Variants in ZBTB41 observed in about 807,000 individuals in gnomAD.
ZBTB41 encodes zinc finger and BTB domain-containing protein 41.
A neutral mutation model predicts 87.6 loss-of-function variants in ZBTB41; 42 were observed. The ratio of observed to expected loss-of-function variants is 0.48; its 90% CI spans 0.37 to 0.62. The LOEUF is 0.62. Ranked by LOEUF, ZBTB41 falls within the 20% of genes least tolerant of loss-of-function variation. The probability of loss-of-function intolerance (pLI) is 0.00; values close to 1 mark genes in which losing one functional copy is unlikely to be tolerated. For missense variants in ZBTB41, 799 were observed against 1,078.9 expected (o/e 0.74, Z 3.63); for synonymous variants, 364 against 364.0 (o/e 1.00, Z 0.00).
Position 197,191,738 on chromosome 1 carries a change from T to C in ZBTB41, c.1282A>G (p.Asn428Asp), listed in dbSNP as rs1225598485. The part of the protein sequence containing the change: ...HKKEHKCPYC[N>D]KLHASKKTLA... ...GTCTTCTTGCTTGCATGAAGTTTAT[T>C]ACAATAAGGGCACTTGTGCTCCTTC... is the stretch of plus-strand genomic sequence containing the variant. The change falls in exon 3 of 11, where the codon AAT (asparagine) becomes GAT (aspartate). Residue 428 changes from asparagine to aspartate, a missense_variant. Coordinates refer to ENST00000367405, the MANE Select transcript of ZBTB41 (RefSeq NM_194314.3). 1.9e-6 allele frequency: 3 copies of C among 1,613,578 alleles called. No homozygotes were observed. Among genetic ancestry groups the C allele is most frequent in the African/African-American group, 2.7e-5 (2 of 74,902 alleles).
chr1:197,175,152 A>G (rs1659571922), intron 8 of ZBTB41, 37 bp from the exon 9 acceptor site: 3 of 1,548,056 alleles, frequency 1.9e-6, no homozygotes, highest in Non-Finnish European at 8.8e-7. Flanking sequence ...ATTATAATAT[A>G]CATCTCAGGT....
chr1:197,184,909 G>T (rs1409676648), intron 5 of ZBTB41, among the ~76,000 whole-genome samples: 2 of 151,990 alleles, frequency 1.3e-5, no homozygotes, highest in Non-Finnish European at 2.9e-5. Flanking sequence ...CCGCCTCTTG[G>T]GTTCAAGCTA....
chr1:197,193,769 G>A (rs1660090849), intron 2 of ZBTB41, among the ~76,000 whole-genome samples: 1 of 152,080 alleles, frequency 6.6e-6, no homozygotes, highest in South Asian at 2.1e-4. Context: ...CACTATATGG[G>A]TTTTTAAGTA....
chr1:197,176,646 A>AT lies in ZBTB41; in HGVS notation c.1796dup (p.Asp599GlufsTer2). ...ATTCATCGCACTCATATCTTTTATC[A>AT]TCATGATGTACTCGTAAGTGAAGTC... On this transcript the variant is annotated frameshift_variant, in exon 8 of 11. Transcript: ENST00000367405. LOFTEE classifies it high-confidence loss of function. 6.2e-7 allele frequency: 1 copy of AT among 1,611,504 alleles called. No individual in the cohort carries two copies. Among genetic ancestry groups the AT allele is most frequent in the Non-Finnish European group, 8.5e-7 (1 of 1,178,610 alleles).
intron 10 of ZBTB41, among the ~76,000 whole-genome samples, chr1:197,164,168 G>A (rs917432511): frequency 2.6e-5 from 4 of 151,984 alleles, no homozygotes; most frequent in Admixed American, 2.0e-4. Flanking sequence ...GGAAAGTGAC[G>A]AATAATTTCA....
chr1:197,182,321 A>C (rs1659765332), intron 5 of ZBTB41, among the ~76,000 whole-genome samples: 1 of 140,584 alleles, frequency 7.1e-6, no homozygotes, highest in African/African-American at 2.5e-5. Context: ...AGGATTCTTC[A>C]AAGAAAATAA....
In ZBTB41 at chr1:197,157,913, A is replaced by C. The variant is rs958791741; in HGVS notation, c.*1446T>G. The C allele has an allele frequency of 2.1e-4, 1 of 4,722 alleles. No homozygotes were observed. The highest frequency in any genetic ancestry group is 1.6e-3 in the Non-Finnish European group (1 of 632). 0.3% of individuals were successfully genotyped at this position (4,722 alleles called of 1,614,324 possible). A position where few individuals can be genotyped will look rare whatever the true frequency, so the allele number is the denominator to read the frequency against. On this transcript the variant is annotated 3_prime_UTR_variant, in exon 11 of 11. Coordinates refer to ENST00000367405, the MANE Select transcript of ZBTB41 (RefSeq NM_194314.3). The stretch of plus-strand genomic sequence containing the variant: ...CTAGACTTTACAGTTTACACACACA[A>C]AAAAAGTGCTTAAAGCAATTAGGAG...
At chr1:197,192,300 G>A (rs1351985545) in intron 2 of ZBTB41, among the ~76,000 whole-genome samples, 2 of 151,890 alleles carry the variant, frequency 1.3e-5, no homozygotes, top group African/African-American at 4.8e-5. Flanking sequence ...CATATTTTTG[G>A]TATCTCTGTG....
chr1:197,159,215 C>CT lies in ZBTB41; in HGVS notation c.*143_*144insA. On this transcript the variant is annotated 3_prime_UTR_variant, in exon 11 of 11. Coordinates refer to ENST00000367405, the MANE Select transcript of ZBTB41 (RefSeq NM_194314.3). The stretch of plus-strand genomic sequence containing the variant: ...AATATTCATGTTCAGTAAACAGAGA[C>CT]ACATAGTTTTCTTGATTTGAAACTG... The CT allele has an allele frequency of 1.3e-6, 1 of 746,438 alleles. No homozygotes were observed. The highest frequency in any genetic ancestry group is 2.1e-6 in the Non-Finnish European group (1 of 468,036). 46.2% of individuals were successfully genotyped at this position (746,438 alleles called of 1,614,324 possible).
At position 197,200,455 on chromosome 1, in the gene ZBTB41, C is replaced by A. The variant is rs746076257; in HGVS notation, c.19G>T (p.Val7Phe). MKKRRKVTSNLEKIHLG... is the reference protein window; with the variant it reads MKKRRKFTSNLEKIHLG... The stretch of plus-strand genomic sequence containing the variant: ...TGGATCTTCTCAAGATTTGAAGTAA[C>A]CTTTCTCCTCTTCTTCATTGCAGTA... Residue 7 changes from valine to phenylalanine, a missense_variant, in exon 2 of 11, where the codon GTT becomes TTT. Coordinates refer to ENST00000367405, the MANE Select transcript of ZBTB41 (RefSeq NM_194314.3). The A allele has an allele frequency of 1.3e-6, 2 of 1,593,810 alleles. No individual in the cohort carries two copies. Among genetic ancestry groups the A allele is most frequent in the Non-Finnish European group, 1.7e-6 (2 of 1,172,986 alleles).
intron 3 of ZBTB41, among the ~76,000 whole-genome samples, 186 bp downstream of exon 3, chr1:197,191,506 A>T (rs966290456): frequency 6.6e-6 from 1 of 151,374 alleles, no homozygotes; most frequent in Non-Finnish European, 1.5e-5. Context: ...GAGTATAAAA[A>T]CCACATATTT....
At chr1:197,182,517 T>TCCTC (rs1466900044) in intron 5 of ZBTB41, among the ~76,000 whole-genome samples, 4 of 152,002 alleles carry the variant, frequency 2.6e-5, no homozygotes, top group African/African-American at 9.7e-5. Context: ...GCTCAAGTGA[T>TCCTC]CCTCCCACCT....
At position 197,157,295 on chromosome 1, in the gene ZBTB41, A is replaced by G. The variant is rs1659088084; in HGVS notation, c.*2064T>C. ...ATCTTCTTTTTCTGCCACCAAATGT[A>G]TAATATACCATATACATACATGTAT... is the stretch of plus-strand genomic sequence containing the variant. On this transcript the variant is annotated 3_prime_UTR_variant, in exon 11 of 11. Transcript: ENST00000367405. 1 of 152,040 alleles carries G rather than the reference A, an allele frequency of 6.6e-6. No homozygotes were observed. Among genetic ancestry groups the G allele is most frequent in the Non-Finnish European group, 1.5e-5 (1 of 67,694 alleles). The allele number at this position is 152,040 out of a possible 1,614,324, so 9.4% of individuals were successfully genotyped here.
Position 197,199,979 on chromosome 1 carries a change from C to T in ZBTB41, c.495G>A (p.Leu165=). ...IPLVLEAAKF[L]DIIDAVKLLN... is the part of the protein sequence containing the mutation. Reference sequence around the variant, plus strand: ...ACAACTTCACTGCATCTATAATGTCCAAAAATTTTGCAGCCTCTAAAACAA... The same window carrying T: ...ACAACTTCACTGCATCTATAATGTCTAAAAATTTTGCAGCCTCTAAAACAA... The change falls in exon 2 of 11, where the codon TTG becomes TTA. Residue 165 remains leucine, a synonymous_variant. Transcript: ENST00000367405. 1 of 1,613,362 alleles carries T rather than the reference C, an allele frequency of 6.2e-7. No individual in the cohort carries two copies. Among genetic ancestry groups the T allele is most frequent in the African/African-American group, 1.3e-5 (1 of 74,996 alleles).
At chr1:197,194,631 A>AAAAAG (rs1660117673) in intron 2 of ZBTB41, among the ~76,000 whole-genome samples, 1 of 151,088 alleles carries the variant, frequency 6.6e-6, no homozygotes, top group Non-Finnish European at 1.5e-5. Context: ...AAAAAAAAAA[A>AAAAAG]AAGAAGAAGA....
chr1:197,200,596 A>G lies in ZBTB41; in HGVS notation c.-117-6T>C. 1.1e-6 allele frequency: 1 copy of G among 874,694 alleles called. No homozygotes were observed. 54.2% of individuals were successfully genotyped at this position (874,694 alleles called of 1,614,324 possible). A position where few individuals can be genotyped will look rare whatever the true frequency, so the allele number is the denominator to read the frequency against. ...GTGCCCAAGGGTTTCATGGTCTGCA[A>G]AAGAGTGAGAACCACGTAAAATAAC... On this transcript the variant is annotated splice_region_variant and splice_polypyrimidine_tract_variant and intron_variant, in intron 1 of 10. Transcript: ENST00000367405.
In ZBTB41 at chr1:197,157,191, G is replaced by A. The variant is rs536925180; in HGVS notation, c.*2168C>T. 2.3e-4 allele frequency: 35 copies of A among 151,998 alleles called. No homozygotes were observed. Among genetic ancestry groups the A allele is most frequent in the Non-Finnish European group, 4.7e-4 (32 of 67,626 alleles). 9.4% of individuals were successfully genotyped at this position (151,998 alleles called of 1,614,324 possible). On this transcript the variant is annotated 3_prime_UTR_variant, in exon 11 of 11. Coordinates refer to ENST00000367405, the MANE Select transcript of ZBTB41 (RefSeq NM_194314.3). ...TTAAATCATATATTTAAAGCATTAGGACGGACATTATTATTAAAAGAACCC... is the reference window on the plus strand; with the variant it reads ...TTAAATCATATATTTAAAGCATTAGAACGGACATTATTATTAAAAGAACCC...
At position 197,159,469 on chromosome 1, in the gene ZBTB41, G is replaced by A. The variant is rs777868402; in HGVS notation, c.2620C>T (p.Arg874Ter). 10 of 1,613,790 alleles carry A rather than the reference G, an allele frequency of 6.2e-6. No individual in the cohort carries two copies. In the Admixed American group the frequency reaches 8.3e-5, roughly 13 times the overall value. Residue 874 changes from arginine to a stop codon, truncating the protein, a stop_gained, in exon 11 of 11, where the codon CGA becomes TGA. Coordinates refer to ENST00000367405, the MANE Select transcript of ZBTB41 (RefSeq NM_194314.3). LOFTEE classifies it high-confidence loss of function. ...PQPANIVHPV[R>*]PEQMLDPREQ... The stretch of plus-strand genomic sequence containing the variant: ...CTAGGATCTAGCATTTGTTCAGGTC[G>A]AACTGGGTGAACTATATTTGCAGGT...
intron 4 of ZBTB41, among the ~76,000 whole-genome samples, chr1:197,189,697 A>G (rs1659977570): frequency 6.6e-6 from 1 of 152,172 alleles, no homozygotes; most frequent in Non-Finnish European, 1.5e-5. Context: ...ATGTAGTAGA[A>G]GTGATTTTCA....
Sources: allele counts gnomAD v4.1 joint callset (sites outside exome capture counted in the v4.1 genomes callset), GRCh38; gene constraint gnomAD v4.1.1; transcripts MANE v1.5; gene names NCBI Gene and HGNC (gene_info 2026-07-23, HGNC 2026-07-21).